The following PABPC4L variants were observed in gnomAD, a reference collection of about 807,000 sequenced individuals.
PABPC4L encodes poly(A) binding protein cytoplasmic 4 like.
For synonymous variants in PABPC4L, 169 were observed against 164.1 expected (o/e 1.03, Z -0.23); for missense variants, 452 against 451.4 (o/e 1.00, Z -0.01).
chr4:133,956,434 G>GT, the PABPC4L span, among the ~76,000 whole-genome samples: 10 of 152,124 alleles, frequency 6.6e-5, no homozygotes, highest in African/African-American at 2.4e-4. Context: ...ATTTGATGCT[G>GT]TTTTTTTCTC....
At chr4:134,106,650 T>C in the PABPC4L span, among the ~76,000 whole-genome samples, 4 of 151,458 alleles carry the variant, frequency 2.6e-5, no homozygotes, top group African/African-American at 9.7e-5. Flanking sequence ...CAGTAATCAA[T>C]AGAAAAAATT....
chr4:134,148,892 G>T, the PABPC4L span, among the ~76,000 whole-genome samples: 3 of 151,940 alleles, frequency 2.0e-5, no homozygotes, highest in Non-Finnish European at 4.4e-5. Flanking sequence ...ATATGTTCTT[G>T]GGTAAAAGTG....
chr4:133,981,158 T>TG, the PABPC4L span, among the ~76,000 whole-genome samples: 28,117 of 127,764 alleles, frequency 0.22, 2,981 homozygotes, highest in Admixed American at 0.29. Context: ...AAGACTCCAC[T>TG]GGGGAAAAAA....
At chr4:134,103,832 A>G in the PABPC4L span, among the ~76,000 whole-genome samples, 3 of 151,738 alleles carry the variant, frequency 2.0e-5, no homozygotes, top group Admixed American at 2.0e-4. Flanking sequence ...TGGAGGGAGA[A>G]ATCAATTAAT....
chr4:134,056,688 T>C, the PABPC4L span, among the ~76,000 whole-genome samples: 1 of 152,030 alleles, frequency 6.6e-6, no homozygotes, highest in Non-Finnish European at 1.5e-5. Context: ...TCCACATATT[T>C]ACTACTAGTA....
chr4:134,090,804 A>G, the PABPC4L span, among the ~76,000 whole-genome samples: 1 of 151,968 alleles, frequency 6.6e-6, no homozygotes, highest in Admixed American at 6.6e-5. Flanking sequence ...CTGCCTATGA[A>G]ATGATGCAAT....
chr4:134,128,445 C>G, the PABPC4L span, among the ~76,000 whole-genome samples: 1 of 152,084 alleles, frequency 6.6e-6, no homozygotes, highest in Non-Finnish European at 1.5e-5. Context: ...GGAAAATCAA[C>G]TGCAGATTTC....
At chr4:134,136,175 T>G in the PABPC4L span, among the ~76,000 whole-genome samples, 1 of 152,232 alleles carries the variant, frequency 6.6e-6, no homozygotes, top group Admixed American at 6.5e-5. Context: ...AATTAATCTT[T>G]TATCTGAATA....
At chr4:134,073,068 A>T in the PABPC4L span, among the ~76,000 whole-genome samples, 2 of 152,130 alleles carry the variant, frequency 1.3e-5, no homozygotes, top group Non-Finnish European at 2.9e-5. Context: ...ATTTTAAAAC[A>T]CAATCTGGTA....
At chr4:134,123,172 C>A in the PABPC4L span, among the ~76,000 whole-genome samples, 1 of 151,968 alleles carries the variant, frequency 6.6e-6, no homozygotes, top group Non-Finnish European at 1.5e-5. Flanking sequence ...GATTTACTAA[C>A]ATTAAAGTTC....
At chr4:134,024,884 C>T in the PABPC4L span, among the ~76,000 whole-genome samples, 2 of 146,482 alleles carry the variant, frequency 1.4e-5, no homozygotes, top group African/African-American at 5.0e-5. Flanking sequence ...ATTTTGTCAC[C>T]TTAACCTGCT....
At chr4:133,964,243 A>C in the PABPC4L span, among the ~76,000 whole-genome samples, 1 of 151,994 alleles carries the variant, frequency 6.6e-6, no homozygotes. Context: ...TTTCTGGAAA[A>C]ATACAACCTT....
the PABPC4L span, among the ~76,000 whole-genome samples, chr4:134,093,875 A>G: frequency 6.6e-6 from 1 of 151,370 alleles, no homozygotes; most frequent in Non-Finnish European, 1.5e-5. Flanking sequence ...TTCCCAGCCT[A>G]TATTTATATT....
At chr4:134,168,206 C>G in the PABPC4L span, among the ~76,000 whole-genome samples, 102,878 of 151,872 alleles carry the variant, frequency 0.68, 35,878 homozygotes, top group East Asian at 1. Context: ...AAGAAGAAAA[C>G]TTTTTAAAAT....
At chr4:134,095,111 G>A in the PABPC4L span, among the ~76,000 whole-genome samples, 1 of 151,370 alleles carries the variant, frequency 6.6e-6, no homozygotes, top group Non-Finnish European at 1.5e-5. Context: ...CCATATTCTT[G>A]GTAAATTTTT....
the PABPC4L span, among the ~76,000 whole-genome samples, chr4:134,191,238 T>C: frequency 1.3e-5 from 2 of 152,138 alleles, no homozygotes; most frequent in African/African-American, 4.8e-5. Context: ...TTTGTCCTAC[T>C]CTATATCTTA....
chr4:134,097,087 T>C, the PABPC4L span, among the ~76,000 whole-genome samples: 3 of 152,076 alleles, frequency 2.0e-5, no homozygotes, highest in East Asian at 5.8e-4. Flanking sequence ...GAGAAAATGC[T>C]CATCAGAATT....
the PABPC4L span, among the ~76,000 whole-genome samples, chr4:134,178,591 G>A: frequency 1.3e-5 from 2 of 152,018 alleles, no homozygotes; most frequent in Non-Finnish European, 2.9e-5. Flanking sequence ...GAACAGGAAT[G>A]AAAATCATCA....
chr4:134,188,006 C>A, the PABPC4L span, among the ~76,000 whole-genome samples: 6 of 151,868 alleles, frequency 4.0e-5, no homozygotes, highest in Admixed American at 1.3e-4. Flanking sequence ...GTCTTCCAGA[C>A]TTTTTCTAAC....
Sources: allele counts gnomAD v4.1 joint callset (sites outside exome capture counted in the v4.1 genomes callset), GRCh38; gene constraint gnomAD v4.1.1; transcripts MANE v1.5; gene names NCBI Gene and HGNC (gene_info 2026-07-23, HGNC 2026-07-21).